The following ZNF654 variants were observed in gnomAD, a reference collection of about 807,000 sequenced individuals.
ZNF654 encodes the protein melanoma-associated antigen.
Under a neutral mutation model 95.3 loss-of-function variants are expected in ZNF654, and 19 were observed. The ratio of observed to expected loss-of-function variants is 0.20; its 90% confidence interval spans 0.14 to 0.29. The LOEUF (loss-of-function observed/expected upper bound fraction) is 0.29. Among genes scored for constraint, ZNF654 ranks in the 10% least tolerant of loss-of-function variants. ZNF654 has a pLI of 1.00. For missense variants in ZNF654, 1,046 were observed against 1,341.0 expected (o/e 0.78, Z 3.44); for synonymous variants, 413 against 457.9 (o/e 0.90, Z 1.25).
chr3:88,119,383 T>G (rs1705619298), intron 3 of ZNF654, among the ~76,000 whole-genome samples: 1 of 11,304 alleles, frequency 8.8e-5, no homozygotes, highest in Non-Finnish European at 2.5e-4. Context: ...TGGGGACTGT[T>G]GTGGGGTGGG....
rs1447183657 is a variant in ZNF654 at position 88,143,757 on chromosome 3, C to G, written c.*2105C>G. The stretch of plus-strand genomic sequence containing the variant: ...AAAATTATTTCTGCAAGACTGAGAT[C>G]AAACTGGTTTATATATAACTAAATC... On this transcript the variant is annotated 3_prime_UTR_variant, in exon 9 of 9. Transcript: ENST00000636215. 1 of 152,068 alleles carries G rather than the reference C, an allele frequency of 6.6e-6. No individual in the cohort carries two copies. Among genetic ancestry groups the G allele is most frequent in the Non-Finnish European group, 1.5e-5 (1 of 67,772 alleles). 9.4% of individuals were successfully genotyped at this position (152,068 alleles called of 1,614,324 possible).
intron 1 of ZNF654, among the ~76,000 whole-genome samples, chr3:88,083,287 A>G (rs1708176659): frequency 6.6e-6 from 1 of 152,260 alleles, no homozygotes; most frequent in African/African-American, 2.4e-5. Context: ...ATGTAATTTT[A>G]ACTTAATAGT....
chr3:88,097,517 G>A (rs954274768), intron 2 of ZNF654, among the ~76,000 whole-genome samples: 7 of 151,854 alleles, frequency 4.6e-5, no homozygotes, highest in Admixed American at 1.3e-4. Flanking sequence ...ACCCCAAATC[G>A]ACAGAATATA....
At position 88,138,672 on chromosome 3, in the gene ZNF654, AAG is replaced by A. The variant is rs1389877761; in HGVS notation, c.1036-32_1036-31del. On this transcript the variant is annotated intron_variant, in intron 7 of 8. Transcript: ENST00000636215. ...TAGTATAACCATTTTTTTGGAAAAAAAGTATTTAGCACTAATATTTTTCTTTT... is the reference window on the plus strand; with the variant it reads ...TAGTATAACCATTTTTTTGGAAAAAATATTTAGCACTAATATTTTTCTTTT... The A allele has an allele frequency of 5.0e-6, 6 of 1,207,352 alleles. No individual in the cohort carries two copies. In the Admixed American group the frequency reaches 1.3e-4, roughly 26 times the overall value. The allele number at this position is 1,207,352 out of a possible 1,614,324, so 74.8% of individuals were successfully genotyped here.
chr3:88,108,203 GTT>G (rs879906166), intron 2 of ZNF654, among the ~76,000 whole-genome samples: 2 of 146,228 alleles, frequency 1.4e-5, no homozygotes, highest in Non-Finnish European at 3.0e-5. Context: ...TTTCAAAGTA[GTT>G]TTTTTTTTTT....
chr3:88,099,261 A>T (rs1216041855), intron 2 of ZNF654, among the ~76,000 whole-genome samples: 1 of 152,224 alleles, frequency 6.6e-6, no homozygotes, highest in African/African-American at 2.4e-5. Context: ...ATACCTAGGA[A>T]TCCAACTTAC....
intron 2 of ZNF654, among the ~76,000 whole-genome samples, chr3:88,108,302 G>C (rs1430408311): frequency 6.6e-6 from 1 of 151,512 alleles, no homozygotes; most frequent in Non-Finnish European, 1.5e-5. Context: ...GTAGCTATTT[G>C]AATTTTTAGT....
At chr3:88,088,737 C>T (rs1708467462) in intron 2 of ZNF654, among the ~76,000 whole-genome samples, 1 of 141,378 alleles carries the variant, frequency 7.1e-6, no homozygotes. Context: ...TAAAAAAAAA[C>T]CTTTATTTAT....
intron 1 of ZNF654, among the ~76,000 whole-genome samples, chr3:88,069,158 AC>A (rs1707365748): frequency 6.6e-6 from 1 of 152,108 alleles, no homozygotes; most frequent in Non-Finnish European, 1.5e-5. Flanking sequence ...GCCGTGGCTT[AC>A]ACCTGTAATC....
At chr3:88,100,996 T>TTGAAAG (rs1347676193) in intron 2 of ZNF654, among the ~76,000 whole-genome samples, 3 of 152,164 alleles carry the variant, frequency 2.0e-5, no homozygotes, top group Non-Finnish European at 4.4e-5. Flanking sequence ...TCAAGTATAC[T>TTGAAAG]TGAAAGTAAA....
chr3:88,088,109 A>G (rs1469538221), intron 2 of ZNF654, among the ~76,000 whole-genome samples: 2 of 152,232 alleles, frequency 1.3e-5, no homozygotes, highest in Non-Finnish European at 2.9e-5. Flanking sequence ...CTCTATATAA[A>G]TTAAATAACC....
At chr3:88,092,674 A>C (rs188791721) in intron 2 of ZNF654, among the ~76,000 whole-genome samples, 37 of 152,314 alleles carry the variant, frequency 2.4e-4, no homozygotes, top group African/African-American at 8.4e-4. Flanking sequence ...TTGACATATG[A>C]AGTTTATTAA....
intron 1 of ZNF654, among the ~76,000 whole-genome samples, chr3:88,071,320 G>A (rs1428220238): frequency 6.6e-6 from 1 of 151,880 alleles, no homozygotes; most frequent in Non-Finnish European, 1.5e-5. Flanking sequence ...GACCAGCCTG[G>A]CCAACATGGT....
intron 2 of ZNF654, among the ~76,000 whole-genome samples, chr3:88,096,942 C>T (rs367549258): frequency 1.3e-4 from 20 of 152,166 alleles, no homozygotes; most frequent in African/African-American, 4.8e-4. Context: ...ATACTATACA[C>T]ACTGTTTTGT....
intron 2 of ZNF654, among the ~76,000 whole-genome samples, chr3:88,109,830 T>G (rs1175074546): frequency 2.0e-5 from 3 of 152,098 alleles, no homozygotes. Context: ...TTAAACACAT[T>G]TATTGTAGAA....
At chr3:88,076,923 TAACTC>T (rs1707835386) in intron 1 of ZNF654, among the ~76,000 whole-genome samples, 2 of 152,146 alleles carry the variant, frequency 1.3e-5, no homozygotes, top group African/African-American at 2.4e-5. Flanking sequence ...TGCAAGTAGC[TAACTC>T]AAGAGGGATA....
At chr3:88,085,607 C>T in intron 1 of ZNF654, among the ~76,000 whole-genome samples, 1 of 152,148 alleles carries the variant, frequency 6.6e-6, no homozygotes. Flanking sequence ...AATGTTTTCT[C>T]ATAAATTACC....
intron 1 of ZNF654, among the ~76,000 whole-genome samples, chr3:88,076,589 G>C (rs961573411): frequency 3.3e-5 from 5 of 151,512 alleles, no homozygotes. Context: ...GTTTTGTTTT[G>C]TTTTAAACAA....
At chr3:88,105,986 A>G (rs569140282) in intron 2 of ZNF654, among the ~76,000 whole-genome samples, 1 of 152,248 alleles carries the variant, frequency 6.6e-6, no homozygotes, top group East Asian at 1.9e-4. Context: ...TCTGCCATGT[A>G]ATGATCTAGC....
Sources: allele counts gnomAD v4.1 joint callset (sites outside exome capture counted in the v4.1 genomes callset), GRCh38; gene constraint gnomAD v4.1.1; transcripts MANE v1.5; gene names NCBI Gene and HGNC (gene_info 2026-07-23, HGNC 2026-07-21).